Variants in HEMK2 observed in about 807,000 individuals in gnomAD.
HEMK2 encodes HemK methyltransferase 2, ETF1 glutamine and histone H4 lysine.
At chr21:28,579,794 T>C in the HEMK2 span, among the ~76,000 whole-genome samples, 4 of 152,190 alleles carry the variant, frequency 2.6e-5, no homozygotes, top group East Asian at 5.8e-4. Flanking sequence ...AATATTACCC[T>C]TGGGGCATGC....
chr21:28,874,348 T>C, the HEMK2 span: 2 of 152,222 alleles, frequency 1.3e-5, no homozygotes, highest in Non-Finnish European at 1.5e-5. Context: ...TCAGTAAGGA[T>C]AAAACACTAT....
chr21:28,620,811 C>T, the HEMK2 span, among the ~76,000 whole-genome samples: 1 of 151,292 alleles, frequency 6.6e-6, no homozygotes, highest in Non-Finnish European at 1.5e-5. Flanking sequence ...GTAGCTGGGA[C>T]TACAGGCACA....
the HEMK2 span, among the ~76,000 whole-genome samples, chr21:28,589,151 C>T: frequency 6.6e-6 from 1 of 151,946 alleles, no homozygotes; most frequent in African/African-American, 2.4e-5. Flanking sequence ...GGTTATCAGG[C>T]TGTTGAGGAG....
the HEMK2 span, among the ~76,000 whole-genome samples, chr21:28,596,632 T>C: frequency 2.0e-5 from 3 of 152,236 alleles, no homozygotes; most frequent in African/African-American, 4.8e-5. Flanking sequence ...AAATCTTGAT[T>C]TATTTTTCTT....
At chr21:28,592,090 G>A in the HEMK2 span, among the ~76,000 whole-genome samples, 3 of 152,104 alleles carry the variant, frequency 2.0e-5, no homozygotes, top group Non-Finnish European at 2.9e-5. Context: ...TGGGTTGAAC[G>A]GTAGTTCTGT....
the HEMK2 span, among the ~76,000 whole-genome samples, chr21:28,834,379 A>C: frequency 6.6e-6 from 1 of 152,196 alleles, no homozygotes; most frequent in Non-Finnish European, 1.5e-5. Context: ...TCCTGAACTC[A>C]CACTCCCACT....
the HEMK2 span, among the ~76,000 whole-genome samples, chr21:28,616,095 G>C: frequency 6.6e-6 from 1 of 152,204 alleles, no homozygotes; most frequent in Admixed American, 6.5e-5. Context: ...ATAAACAGGG[G>C]TTGACAGTGG....
the HEMK2 span, among the ~76,000 whole-genome samples, chr21:28,698,659 T>C: frequency 1.4e-4 from 21 of 152,198 alleles, no homozygotes; most frequent in African/African-American, 4.8e-4. Flanking sequence ...GATTGAAGTA[T>C]TACAAGGCTA....
the HEMK2 span, among the ~76,000 whole-genome samples, chr21:28,609,531 T>C: frequency 7.7e-6 from 1 of 130,012 alleles, no homozygotes; most frequent in Non-Finnish European, 1.6e-5. Context: ...TCACCAGCAA[T>C]GGATTTAAAC....
the HEMK2 span, among the ~76,000 whole-genome samples, chr21:28,857,409 T>C: frequency 2.6e-5 from 4 of 152,204 alleles, no homozygotes; most frequent in African/African-American, 7.2e-5. Flanking sequence ...AGTTTTAATG[T>C]ACATTTATTA....
At chr21:28,687,731 T>C in the HEMK2 span, among the ~76,000 whole-genome samples, 1 of 152,224 alleles carries the variant, frequency 6.6e-6, no homozygotes, top group African/African-American at 2.4e-5. Flanking sequence ...TCAACTCATG[T>C]AAAAGTACGT....
chr21:28,620,139 GC>G, the HEMK2 span, among the ~76,000 whole-genome samples: 1 of 152,178 alleles, frequency 6.6e-6, no homozygotes, highest in Non-Finnish European at 1.5e-5. Context: ...TGGTGGATAA[GC>G]TTTTTGATGT....
the HEMK2 span, among the ~76,000 whole-genome samples, chr21:28,871,326 A>G: frequency 1.3e-5 from 2 of 152,162 alleles, no homozygotes; most frequent in Non-Finnish European, 2.9e-5. Context: ...GTGAAGAGGA[A>G]GGAGGCACGT....
the HEMK2 span, among the ~76,000 whole-genome samples, chr21:28,742,900 G>A: frequency 1.3e-5 from 2 of 151,952 alleles, no homozygotes; most frequent in African/African-American, 2.4e-5. Flanking sequence ...CTGTGGTCAC[G>A]GTCTTCTGTC....
At chr21:28,686,779 C>G in the HEMK2 span, among the ~76,000 whole-genome samples, 1 of 152,190 alleles carries the variant, frequency 6.6e-6, no homozygotes, top group African/African-American at 2.4e-5. Context: ...AAGTCAACAT[C>G]TGGATTGAAG....
the HEMK2 span, among the ~76,000 whole-genome samples, chr21:28,601,154 G>A: frequency 6.6e-6 from 1 of 152,098 alleles, no homozygotes. Flanking sequence ...TCATCCTCAT[G>A]CTCCATCCCA....
the HEMK2 span, among the ~76,000 whole-genome samples, chr21:28,865,569 T>C: frequency 6.6e-6 from 1 of 152,224 alleles, no homozygotes. Flanking sequence ...TTGTGAGCAC[T>C]GAATGCTGTT....
the HEMK2 span, among the ~76,000 whole-genome samples, chr21:28,704,264 A>G: frequency 6.6e-6 from 1 of 152,156 alleles, no homozygotes; most frequent in African/African-American, 2.4e-5. Context: ...CCACATAGAA[A>G]ACACTTTTTC....
the HEMK2 span, among the ~76,000 whole-genome samples, chr21:28,723,394 A>G: frequency 6.6e-6 from 1 of 152,292 alleles, no homozygotes; most frequent in Non-Finnish European, 1.5e-5. Flanking sequence ...CCTCTGCTAC[A>G]CAGGGAAGCC....
Sources: allele counts gnomAD v4.1 joint callset (sites outside exome capture counted in the v4.1 genomes callset), GRCh38; gene constraint gnomAD v4.1.1; transcripts MANE v1.5; gene names NCBI Gene and HGNC (gene_info 2026-07-23, HGNC 2026-07-21).